Variants in WDFY4 observed in about 807,000 individuals in gnomAD.
WDFY4 encodes the protein WDFY family member 4, also known as WD repeat- and FYVE domain-containing protein 4.
WDFY4 carries 169 observed loss-of-function variants against 351.9 expected under a neutral mutation model. The observed-to-expected ratio is 0.48, with a 90% CI of 0.42 to 0.55. WDFY4 has a LOEUF of 0.55. Ranked by LOEUF, WDFY4 falls within the 20% of genes least tolerant of loss-of-function variation. The pLI is 0.00. For missense variants in WDFY4, 3,803 were observed against 3,935.6 expected, an observed-to-expected ratio of 0.97 and a Z score of 0.90; for synonymous variants, 1,622 against 1,574.6, an observed-to-expected ratio of 1.03 and a Z score of -0.71.
chr10:48,832,384 CCA>C (rs1403402918), intron 38 of WDFY4, among the ~76,000 whole-genome samples, 187 bp from the exon 39 acceptor site: 1 of 152,248 alleles, frequency 6.6e-6, no homozygotes, highest in Non-Finnish European at 1.5e-5. Context: ...ACCTCAAAGC[CCA>C]CAGTGTTTCT....
intron 21 of WDFY4, 62 bp downstream of exon 21, chr10:48,788,737 T>C (rs1036742554): frequency 1.3e-6 from 2 of 1,536,810 alleles, no homozygotes; most frequent in Non-Finnish European, 1.8e-6. Flanking sequence ...TTGCATTAGC[T>C]TTCAGTGCTT....
chr10:48,923,268 T>C (rs1839257390), intron 47 of WDFY4, among the ~76,000 whole-genome samples: 1 of 151,888 alleles, frequency 6.6e-6, no homozygotes, highest in South Asian at 2.1e-4. Flanking sequence ...GGGGATGTTG[T>C]GTACCACAGG....
At chr10:48,815,108 C>T (rs935937237) in intron 31 of WDFY4, among the ~76,000 whole-genome samples, 1 of 152,132 alleles carries the variant, frequency 6.6e-6, no homozygotes, top group African/African-American at 2.4e-5. Context: ...CAAAGTGTGC[C>T]TTCAGGCGTT....
Position 48,723,473 on chromosome 10 carries a change from TG to T in WDFY4, c.498del (p.Leu167SerfsTer56), listed in dbSNP as rs1230091368. The T allele has an allele frequency of 4.5e-6, 7 of 1,550,932 alleles. No homozygotes were observed. The highest frequency in any genetic ancestry group is 5.2e-6 in the Non-Finnish European group (6 of 1,147,004). ...GTTGCTGAGTCTGGGCTTCCAGCCC[TG>T]CTCCTACAGTGCCTTTACCTCTTCT... is the stretch of plus-strand genomic sequence containing the variant. ...GRVAESGLPALLLQCLYLFFV... is the reference protein window; with the variant it reads ...GRVAESGLPAXLLQCLYLFFV... On this transcript the variant is annotated frameshift_variant, in exon 5 of 62. Transcript: ENST00000325239. LOFTEE classifies it high-confidence loss of function.
chr10:48,733,805 C>T, intron 9 of WDFY4, 126 bp from the exon 10 acceptor site: 4 of 815,960 alleles, frequency 4.9e-6, no homozygotes, highest in Non-Finnish European at 7.8e-6. Flanking sequence ...AATTGGGATA[C>T]ACACTCCCTT....
In WDFY4 at chr10:48,814,085, G is replaced by A. The variant is rs371555509; in HGVS notation, c.5340+3G>A. Reference sequence around the variant, plus strand: ...TGCTGAAGGCCACCATGAGCCAGGTGAGACCCATTCCCCACATGCTGCCCC... The same window carrying A: ...TGCTGAAGGCCACCATGAGCCAGGTAAGACCCATTCCCCACATGCTGCCCC... On this transcript the variant is annotated splice_donor_region_variant and intron_variant, in intron 31 of 61. Transcript: ENST00000325239. The A allele has an allele frequency of 3.9e-5, 60 of 1,542,620 alleles. No homozygotes were observed. In the African/African-American group the frequency reaches 8.0e-4, roughly 21 times the overall value.
chr10:48,790,840 G>A lies in WDFY4; in HGVS notation c.4180G>A (p.Ala1394Thr). ...GACAGATGACCATACCATGTATGCG[G>A]CTGTGAAAGTTCTGCACTCGGTCCT... Reference protein sequence around the residue: ...LATDDHTMYAAVKVLHSVLTS... With the variant: ...LATDDHTMYATVKVLHSVLTS... The change falls in exon 23 of 62, where the codon GCT becomes ACT. Residue 1394 changes from alanine to threonine, a missense_variant. Physicochemically the swap from Ala to Thr is moderately conservative, Grantham distance 58. This residue lies in a region of WDFY4 where 3,054 missense variants were observed against 3,148.6 expected (regional missense o/e 0.97). Coordinates refer to ENST00000325239, the MANE Select transcript of WDFY4 (RefSeq NM_001394531.1). 6.4e-7 allele frequency: 1 copy of A among 1,551,804 alleles called. No individual in the cohort carries two copies.
At chr10:48,690,822 G>A (rs1247450961) in intron 1 of WDFY4, among the ~76,000 whole-genome samples, 1 of 152,166 alleles carries the variant, frequency 6.6e-6, no homozygotes, top group Non-Finnish European at 1.5e-5. Flanking sequence ...TCAGAGGGGA[G>A]GAAATGAGAG....
intron 24 of WDFY4, among the ~76,000 whole-genome samples, chr10:48,797,708 G>A (rs2066921350): frequency 6.6e-6 from 1 of 152,110 alleles, no homozygotes; most frequent in South Asian, 2.1e-4. Context: ...TCTATATTTT[G>A]TTATAAATTG....
At chr10:48,761,302 C>G (rs905556004) in intron 13 of WDFY4, among the ~76,000 whole-genome samples, 3 of 152,144 alleles carry the variant, frequency 2.0e-5, no homozygotes, top group Non-Finnish European at 4.4e-5. Flanking sequence ...AGAAGCCTCT[C>G]TCACGTGAGT....
intron 34 of WDFY4, among the ~76,000 whole-genome samples, chr10:48,822,179 G>T (rs1275217565): frequency 6.6e-6 from 1 of 152,180 alleles, no homozygotes; most frequent in Non-Finnish European, 1.5e-5. Context: ...GGTTTATGTC[G>T]CTGACCAGAT....
At chr10:48,932,247 G>A (rs990821403) in intron 47 of WDFY4, among the ~76,000 whole-genome samples, 1 of 152,172 alleles carries the variant, frequency 6.6e-6, no homozygotes, top group Admixed American at 6.5e-5. Context: ...GGGAATGCTG[G>A]TGGAGTCACC....
chr10:48,941,830 C>G lies in WDFY4; in HGVS notation c.7611C>G (p.Ile2537Met). 6.4e-7 allele frequency: 1 copy of G among 1,552,250 alleles called. No homozygotes were observed. Among genetic ancestry groups the G allele is most frequent in the Non-Finnish European group, 8.7e-7 (1 of 1,147,098 alleles). Residue 2537 changes from isoleucine to methionine, a missense_variant, in exon 48 of 62, where the codon ATC (isoleucine) becomes ATG (methionine). Coordinates refer to ENST00000325239, the MANE Select transcript of WDFY4 (RefSeq NM_001394531.1). ...SLRRYPGSDR[I>M]MLQKWQKRDI... ...GGAGATACCCCGGCTCTGACAGGAT[C>G]ATGCTGCAGAAGTGGCAGGTACAGT...
chr10:48,735,986 C>T lies in WDFY4; in HGVS notation c.1794C>T (p.Asn598=), dbSNP rs577133355. The T allele has an allele frequency of 4.6e-5, 71 of 1,551,890 alleles. No individual in the cohort carries two copies. Among genetic ancestry groups the T allele is most frequent in the South Asian group, 3.2e-4 (27 of 84,056 alleles). Residue 598 remains asparagine (N), a synonymous_variant, in exon 11 of 62, where the codon AAC becomes AAT. Coordinates refer to ENST00000325239, the MANE Select transcript of WDFY4 (RefSeq NM_001394531.1). ...TCTTGGAGCAGCTCTCAGCCATCAA[C>T]GCCGAGGAGTACATGAGCATCATTG... ...LSILEQLSAI[N]AEEYMSIIVG...
At chr10:48,728,142 G>A (rs2064330942) in intron 7 of WDFY4, among the ~76,000 whole-genome samples, 1 of 152,234 alleles carries the variant, frequency 6.6e-6, no homozygotes, top group Non-Finnish European at 1.5e-5. Flanking sequence ...GGCCCCATGA[G>A]GCGCTTGCTT....
intron 7 of WDFY4, among the ~76,000 whole-genome samples, chr10:48,729,225 A>AT (rs559117925): frequency 2.1e-3 from 324 of 152,328 alleles, no homozygotes; most frequent in Non-Finnish European, 3.8e-3. Context: ...CAGGTTACAA[A>AT]TGCACTTCTT....
At chr10:48,862,155 A>T (rs927473837) in intron 39 of WDFY4, among the ~76,000 whole-genome samples, 16 of 152,220 alleles carry the variant, frequency 1.1e-4, no homozygotes, top group Non-Finnish European at 1.6e-4. Context: ...CACTTCTGTT[A>T]TCTCACTGTA....
chr10:48,904,983 C>T lies in WDFY4; in HGVS notation c.7586+3120C>T, dbSNP rs767096018. On this transcript the variant is annotated intron_variant, in intron 47 of 61. Coordinates refer to ENST00000325239, the MANE Select transcript of WDFY4 (RefSeq NM_001394531.1). ...CGCAGAGGGAAGTTCCAAGCCGCAGCACTCATGGGCTGCAGATGGTTTTCT... is the reference window on the plus strand; with the variant it reads ...CGCAGAGGGAAGTTCCAAGCCGCAGTACTCATGGGCTGCAGATGGTTTTCT... Among the ~76,000 whole-genome samples, 524 of 152,294 alleles carry T rather than the reference C, an allele frequency of 3.4e-3. 2 individuals are homozygous for T. Among genetic ancestry groups the T allele is most frequent in the Non-Finnish European group, 5.9e-3 (403 of 68,018 alleles).
intron 43 of WDFY4, among the ~76,000 whole-genome samples, 173 bp from the exon 44 acceptor site, chr10:48,890,406 C>T (rs1263078911): frequency 6.6e-6 from 1 of 152,150 alleles, no homozygotes; most frequent in African/African-American, 2.4e-5. Context: ...GGTAGTGCCA[C>T]ATAGGCTGTG....
Sources: allele counts gnomAD v4.1 joint callset (sites outside exome capture counted in the v4.1 genomes callset), GRCh38; gene constraint gnomAD v4.1.1; regional missense constraint gnomAD v4.1.1; transcripts MANE v1.5; gene names NCBI Gene and HGNC (gene_info 2026-07-23, HGNC 2026-07-21).